Variants in ATG7 observed in about 807,000 individuals in gnomAD.
ATG7 encodes the protein autophagy related 7.
In ATG7, 70 loss-of-function variants were observed where a neutral mutation model predicts 82.4. That is an observed-to-expected ratio of 0.85 (90% CI 0.70 to 1.04). ATG7 has a LOEUF of 1.04. ATG7 is among the 50% of genes least tolerant of loss of function. The probability of loss-of-function intolerance (pLI) is 0.00; values close to 1 mark genes in which losing one functional copy is unlikely to be tolerated. For synonymous variants in ATG7, 287 were observed against 313.0 expected (o/e 0.92, Z 0.88); for missense variants, 792 against 864.3 (o/e 0.92, Z 1.05).
At chr3:11,507,756 T>C (rs1473662063) in intron 20 of ATG7, among the ~76,000 whole-genome samples, 1 of 152,168 alleles carries the variant, frequency 6.6e-6, no homozygotes, top group Non-Finnish European at 1.5e-5. Context: ...TTATTAAAGC[T>C]AGCCCAGCAA....
At chr3:11,524,480 C>T (rs1258704421) in intron 20 of ATG7, among the ~76,000 whole-genome samples, 1 of 152,006 alleles carries the variant, frequency 6.6e-6, no homozygotes, top group African/African-American at 2.4e-5. Flanking sequence ...TAATAAATAC[C>T]AGGCACAGTG....
intron 19 of ATG7, among the ~76,000 whole-genome samples, chr3:11,389,733 C>T (rs2078633178): frequency 2.6e-5 from 4 of 152,182 alleles, no homozygotes; most frequent in African/African-American, 9.6e-5. Context: ...AATATATGTG[C>T]AGCCTCCCAC....
At chr3:11,533,154 C>T (rs756805012) in intron 20 of ATG7, among the ~76,000 whole-genome samples, 16 of 152,142 alleles carry the variant, frequency 1.1e-4, no homozygotes, top group South Asian at 2.1e-4. Context: ...GAATAATGCC[C>T]GGGGCTTGGG....
At chr3:11,401,111 A>G (rs1257398763) in intron 19 of ATG7, among the ~76,000 whole-genome samples, 1 of 152,198 alleles carries the variant, frequency 6.6e-6, no homozygotes. Context: ...GGAACTTGCT[A>G]GAAATAAAAA....
chr3:11,447,335 C>G (rs1473882790), intron 20 of ATG7, among the ~76,000 whole-genome samples: 1 of 151,994 alleles, frequency 6.6e-6, no homozygotes, highest in Non-Finnish European at 1.5e-5. Flanking sequence ...GGTGTGGTGG[C>G]AGGCATCTGT....
At chr3:11,573,097 C>T in the ATG7 span, among the ~76,000 whole-genome samples, 1 of 151,362 alleles carries the variant, frequency 6.6e-6, no homozygotes, top group African/African-American at 2.4e-5. Flanking sequence ...ACCCGGGAGG[C>T]GGAGGTTGCA....
intron 20 of ATG7, among the ~76,000 whole-genome samples, chr3:11,548,995 C>G (rs1317331929): frequency 6.6e-6 from 1 of 152,136 alleles, no homozygotes; most frequent in Non-Finnish European, 1.5e-5. Context: ...GAGAGTGGTT[C>G]CACCACAGGC....
intron 20 of ATG7, among the ~76,000 whole-genome samples, chr3:11,474,648 G>C (rs1405008956): frequency 1.3e-5 from 2 of 152,186 alleles, no homozygotes; most frequent in African/African-American, 4.8e-5. Context: ...GGATGAATTG[G>C]TGTGGAGGGT....
intron 20 of ATG7, among the ~76,000 whole-genome samples, chr3:11,490,080 T>C (rs1379808056): frequency 1.3e-5 from 2 of 152,138 alleles, no homozygotes; most frequent in East Asian, 3.9e-4. Context: ...AGTGGGGTGT[T>C]AAAGTCTCCC....
intron 20 of ATG7, among the ~76,000 whole-genome samples, chr3:11,467,587 G>A (rs2086968405): frequency 6.6e-6 from 1 of 152,164 alleles, no homozygotes; most frequent in African/African-American, 2.4e-5. Context: ...TGTTCGCCAG[G>A]CTGGTCTTGA....
chr3:11,293,544 A>AG (rs1269794833), intron 3 of ATG7, among the ~76,000 whole-genome samples: 12 of 147,018 alleles, frequency 8.2e-5, no homozygotes, highest in African/African-American at 2.8e-4. Context: ...AAAAAAAAAA[A>AG]AAAGAAAGAA....
chr3:11,398,216 A>G (rs1323214676), intron 19 of ATG7, among the ~76,000 whole-genome samples: 1 of 152,200 alleles, frequency 6.6e-6, no homozygotes, highest in Non-Finnish European at 1.5e-5. Context: ...ATACATATAG[A>G]ATACTGCACC....
intron 20 of ATG7, among the ~76,000 whole-genome samples, chr3:11,528,233 C>T (rs1253242878): frequency 6.6e-6 from 1 of 152,208 alleles, no homozygotes; most frequent in African/African-American, 2.4e-5. Context: ...CTTCATTCAA[C>T]AAATATATCT....
chr3:11,353,587 A>T (rs1372481833), intron 14 of ATG7, among the ~76,000 whole-genome samples: 1 of 152,228 alleles, frequency 6.6e-6, no homozygotes, highest in African/African-American at 2.4e-5. Flanking sequence ...TGTTTGGGTC[A>T]TGGAGGTGGA....
At chr3:11,426,379 A>T (rs975354318) in intron 19 of ATG7, among the ~76,000 whole-genome samples, 1 of 152,148 alleles carries the variant, frequency 6.6e-6, no homozygotes, top group Non-Finnish European at 1.5e-5. Context: ...AATTATTTTT[A>T]AAAATATATT....
In ATG7 at chr3:11,376,299, G is replaced by C. The variant is rs2077411961; in HGVS notation, c.1876-3673G>C. ...TTCATATACTAAAAACCACTGAGCT[G>C]TACAGTTTAAAAGATGAATTTTATG... On this transcript the variant is annotated intron_variant, in intron 18 of 20. Coordinates refer to ENST00000693202, the MANE Select transcript of ATG7 (RefSeq NM_001349232.2). Among the ~76,000 whole-genome samples the C allele has an allele frequency of 2.0e-5, 3 of 152,290 alleles. No homozygotes were observed. The South Asian group carries it at 6.2e-4, about 32-fold the overall frequency.
At position 11,517,966 on chromosome 3, in the gene ATG7, G is replaced by C. The variant is rs574071491; in HGVS notation, c.2080-36845G>C. Among the ~76,000 whole-genome samples the C allele has an allele frequency of 4.1e-4, 63 of 152,314 alleles. 1 individual carries two copies. The highest frequency in any genetic ancestry group is 1.5e-3 in the African/African-American group (63 of 41,574). Reference sequence around the variant, plus strand: ...GGGATGGATTGGGGTGATCAGGCTGGCTCAAGGAGTCCCAGTCAGAGAGGG... The same window carrying C: ...GGGATGGATTGGGGTGATCAGGCTGCCTCAAGGAGTCCCAGTCAGAGAGGG... On this transcript the variant is annotated intron_variant, in intron 20 of 20. Coordinates refer to ENST00000693202, the MANE Select transcript of ATG7 (RefSeq NM_001349232.2).
At chr3:11,423,025 GATT>G (rs2082069663) in intron 19 of ATG7, among the ~76,000 whole-genome samples, 1 of 152,100 alleles carries the variant, frequency 6.6e-6, no homozygotes, top group Non-Finnish European at 1.5e-5. Context: ...AAAGTGCTGG[GATT>G]ACAAATAGGC....
At chr3:11,287,435 G>A (rs900700006) in intron 3 of ATG7, among the ~76,000 whole-genome samples, 4 of 152,194 alleles carry the variant, frequency 2.6e-5, no homozygotes, top group Admixed American at 6.5e-5. Flanking sequence ...TCTAGGCCAT[G>A]GGGGCCTGAG....
Sources: allele counts gnomAD v4.1 joint callset (sites outside exome capture counted in the v4.1 genomes callset), GRCh38; gene constraint gnomAD v4.1.1; transcripts MANE v1.5; gene names NCBI Gene and HGNC (gene_info 2026-07-23, HGNC 2026-07-21).